The following PALM2AKAP2 variants were observed in gnomAD, a reference collection of about 807,000 sequenced individuals.
PALM2AKAP2 encodes the protein PALM2-AKAP2 fusion protein.
In PALM2AKAP2, 37 loss-of-function variants were observed where a neutral mutation model predicts 71.5. The ratio of observed to expected loss-of-function variants is 0.52; its 90% CI spans 0.40 to 0.68. The LOEUF (loss-of-function observed/expected upper bound fraction) is 0.68. PALM2AKAP2 is among the 30% of genes least tolerant of loss of function. The pLI, the probability that PALM2AKAP2 is intolerant of heterozygous loss-of-function variation, is 0.00. For missense variants in PALM2AKAP2, 1,224 were observed against 1,191.8 expected (o/e 1.03, Z -0.40); for synonymous variants, 468 against 478.8 (o/e 0.98, Z 0.29).
At chr9:109,882,375 G>A (rs1829872203) in intron 3 of PALM2AKAP2, among the ~76,000 whole-genome samples, 1 of 152,148 alleles carries the variant, frequency 6.6e-6, no homozygotes, top group Non-Finnish European at 1.5e-5. Flanking sequence ...AGCTTTCAGA[G>A]CAGCTTGGCT....
intron 1 of PALM2AKAP2, among the ~76,000 whole-genome samples, chr9:109,755,718 T>C (rs1421530159): frequency 2.0e-5 from 3 of 151,764 alleles, no homozygotes; most frequent in Non-Finnish European, 4.4e-5. Context: ...TTAGTATCCC[T>C]TTACACTGCT....
chr9:109,651,923 G>C (rs1827230507), intron 1 of PALM2AKAP2, among the ~76,000 whole-genome samples: 2 of 152,100 alleles, frequency 1.3e-5, no homozygotes, highest in Admixed American at 6.6e-5. Context: ...GAACATTCCT[G>C]GTCGAAATTC....
intron 1 of PALM2AKAP2, among the ~76,000 whole-genome samples, chr9:109,673,122 T>C (rs1041125597): frequency 6.6e-6 from 1 of 152,156 alleles, no homozygotes; most frequent in Non-Finnish European, 1.5e-5. Context: ...TCAGCTCTGA[T>C]TTTTGTTATT....
chr9:110,153,024 C>G (rs1269613032), intron 2 of PALM2AKAP2, among the ~76,000 whole-genome samples: 1 of 152,194 alleles, frequency 6.6e-6, no homozygotes, highest in Non-Finnish European at 1.5e-5. Flanking sequence ...CCAAAGCGAC[C>G]ATTCTCAGCC....
intron 5 of PALM2AKAP2, among the ~76,000 whole-genome samples, chr9:109,928,947 G>A (rs1831023724): frequency 6.6e-6 from 1 of 152,256 alleles, no homozygotes; most frequent in Non-Finnish European, 1.5e-5. Context: ...GTTTACAGGT[G>A]TGAGCTACTG....
intron 3 of PALM2AKAP2, among the ~76,000 whole-genome samples, chr9:109,907,872 C>T (rs970779096): frequency 1.3e-5 from 2 of 152,222 alleles, no homozygotes; most frequent in African/African-American, 4.8e-5. Context: ...CTCCCAGCCA[C>T]TGCCATAGCA....
At chr9:109,971,314 T>TTTTTTTTC (rs1832063840) in intron 6 of PALM2AKAP2, among the ~76,000 whole-genome samples, 1 of 118,262 alleles carries the variant, frequency 8.5e-6, no homozygotes, top group African/African-American at 3.4e-5. Context: ...TTTTTTTTTT[T>TTTTTTTTC]ACAGAGAAAA....
rs184572464 is a variant in PALM2AKAP2, at chr9:109,957,753, T to G, written c.496+25725T>G. On this transcript the variant is annotated intron_variant, in intron 6 of 9. Coordinates refer to the PALM2AKAP2 transcript ENST00000302798. The stretch of plus-strand genomic sequence containing the variant: ...ACATTTTCTCCAAAATATAATGCTA[T>G]GAGGGCCCCCACTCCAGAGATCATT... 4.7e-4 allele frequency among the ~76,000 whole-genome samples: 71 copies of G among 152,344 alleles called. 1 individual carries two copies. Among genetic ancestry groups the G allele is most frequent in the East Asian group, 2.7e-3 (14 of 5,190 alleles).
rs147488442 is a variant in PALM2AKAP2, at chr9:110,073,675, C to T, written c.156+24820C>T. On this transcript the variant is annotated intron_variant, in intron 1 of 3. Transcript: ENST00000374525. ...CACTTCTGTGACTTTTGCAGATAAA[C>T]ATTAGATTTACCTTTGGCAAACTGC... Among the ~76,000 whole-genome samples the T allele has an allele frequency of 2.6e-5, 4 of 152,288 alleles. No homozygotes were observed. In the East Asian group the frequency reaches 7.7e-4, roughly 29 times the overall value.
intron 1 of PALM2AKAP2, among the ~76,000 whole-genome samples, chr9:109,814,791 A>C (rs1454020679): frequency 6.6e-6 from 1 of 152,258 alleles, no homozygotes; most frequent in Non-Finnish European, 1.5e-5. Context: ...TCATTGCATA[A>C]GCAGTTCCCT....
intron 1 of PALM2AKAP2, 62 bp downstream of exon 1, chr9:109,780,595 G>C: frequency 6.2e-7 from 1 of 1,607,868 alleles, no homozygotes. Flanking sequence ...GGCCCCCGAG[G>C]GTTTCGGGGC....
intron 1 of PALM2AKAP2, among the ~76,000 whole-genome samples, chr9:109,853,781 A>G (rs2131635254): frequency 6.6e-6 from 1 of 152,314 alleles, no homozygotes; most frequent in East Asian, 1.9e-4. Flanking sequence ...TCCCCTCACT[A>G]TACTTGACAC....
chr9:109,811,392 G>A (rs1445690771), intron 1 of PALM2AKAP2, among the ~76,000 whole-genome samples: 1 of 151,726 alleles, frequency 6.6e-6, no homozygotes, highest in African/African-American at 2.4e-5. Context: ...GTGAAGGGGT[G>A]GTAGAAAGAG....
intron 7 of PALM2AKAP2, among the ~76,000 whole-genome samples, chr9:110,028,940 T>G (rs984140531): frequency 6.9e-6 from 1 of 144,664 alleles, no homozygotes; most frequent in African/African-American, 2.6e-5. Flanking sequence ...GGTTTTGGGT[T>G]CTTTTTGAAA....
chr9:109,752,710 G>A (rs1216583312), intron 1 of PALM2AKAP2, among the ~76,000 whole-genome samples: 1 of 152,086 alleles, frequency 6.6e-6, no homozygotes, highest in African/African-American at 2.4e-5. Flanking sequence ...AGAACAAGAG[G>A]AAAACACTGA....
chr9:109,710,882 T>C (rs1828224301), intron 1 of PALM2AKAP2, among the ~76,000 whole-genome samples: 2 of 152,088 alleles, frequency 1.3e-5, no homozygotes, highest in Admixed American at 1.3e-4. Flanking sequence ...ATATACCTTC[T>C]GGAAAAGAAA....
intron 1 of PALM2AKAP2, among the ~76,000 whole-genome samples, chr9:109,679,610 G>T (rs1827696165): frequency 6.6e-6 from 1 of 152,108 alleles, no homozygotes; most frequent in South Asian, 2.1e-4. Context: ...TTACCCCAAT[G>T]GGAGATGCAG....
intron 1 of PALM2AKAP2, among the ~76,000 whole-genome samples, chr9:109,771,578 G>A (rs147772364): frequency 6.6e-6 from 1 of 152,298 alleles, no homozygotes; most frequent in East Asian, 1.9e-4. Context: ...GATGGACAGA[G>A]TCCCAGATGG....
intron 1 of PALM2AKAP2, among the ~76,000 whole-genome samples, chr9:110,119,974 G>T (rs1222792049): frequency 6.6e-6 from 1 of 152,136 alleles, no homozygotes; most frequent in African/African-American, 2.4e-5. Flanking sequence ...TTACAGAGAA[G>T]GGCCCCAGGT....
Sources: allele counts gnomAD v4.1 joint callset (sites outside exome capture counted in the v4.1 genomes callset), GRCh38; gene constraint gnomAD v4.1.1; transcripts MANE v1.5; gene names NCBI Gene and HGNC (gene_info 2026-07-23, HGNC 2026-07-21).